CASQ1: variants seen among roughly 807,000 people sequenced by gnomAD.
CASQ1 encodes the protein calsequestrin-1.
A neutral mutation model predicts 49.5 loss-of-function variants in CASQ1; 40 were observed. The observed-to-expected ratio is 0.81, with a 90% confidence interval of 0.63 to 1.05. The LOEUF is 1.05. CASQ1 is among the 50% of genes least tolerant of loss of function. The probability of loss-of-function intolerance (pLI) is 0.00; values close to 1 mark genes in which losing one functional copy is unlikely to be tolerated. For synonymous variants in CASQ1, 174 were observed against 187.2 expected, an observed-to-expected ratio of 0.93 and a Z score of 0.58; for missense variants, 469 against 486.9, an observed-to-expected ratio of 0.96 and a Z score of 0.35.
intron 3 of CASQ1, 118 bp downstream of exon 3, chr1:160,193,965 ACG>A: frequency 1.5e-6 from 1 of 657,916 alleles, no homozygotes; most frequent in South Asian, 1.6e-5. Context: ...CATACACCAC[ACG>A]CACACACACC....
Position 160,195,969 on chromosome 1 carries a change from A to G in CASQ1, c.724A>G (p.Ile242Val), listed in dbSNP as rs758652520. The G allele has an allele frequency of 4.3e-6, 7 of 1,613,956 alleles. No homozygotes were observed. The highest frequency in any genetic ancestry group is 1.1e-5 in the South Asian group (1 of 91,036). Residue 242 changes from isoleucine to valine, a missense_variant, in exon 6 of 11, where the codon ATC (isoleucine) becomes GTC (valine). Ile to Val is a conservative substitution (Grantham distance 29, BLOSUM62 3). Coordinates refer to ENST00000368078, the MANE Select transcript of CASQ1 (RefSeq NM_001231.5). ...GGCCTTCATGGAAGAGCCTGTGACC[A>G]TCCCAGACAAGCCCAATAGCGAAGA... ...YEAFMEEPVTIPDKPNSEEEI... is the reference protein window; with the variant it reads ...YEAFMEEPVTVPDKPNSEEEI...
intron 3 of CASQ1, 131 bp from the exon 4 acceptor site, chr1:160,194,881 C>A: frequency 1.7e-6 from 1 of 603,236 alleles, no homozygotes; most frequent in Non-Finnish European, 2.9e-6. Flanking sequence ...CATGCAATCC[C>A]CCACACACAC....
chr1:160,199,089 TG>T, intron 9 of CASQ1, 36 bp downstream of exon 9: 1 of 1,258,388 alleles, frequency 7.9e-7, no homozygotes, highest in Non-Finnish European at 1.2e-6. Flanking sequence ...TATCTTAAGG[TG>T]GGGCCTTGGA....
chr1:160,195,655 C>CCCA (rs1654205349), intron 5 of CASQ1, 121 bp downstream of exon 5: 1 of 853,024 alleles, frequency 1.2e-6, no homozygotes, highest in African/African-American at 1.7e-5. Context: ...CCTACCTGCC[C>CCCA]CCCCCCCCGG....
chr1:160,199,163 G>A, intron 9 of CASQ1, 110 bp downstream of exon 9: 2 of 757,460 alleles, frequency 2.6e-6, no homozygotes, highest in Admixed American at 3.8e-5. Context: ...CTAGCTGGGG[G>A]GCCCTGGGAG....
chr1:160,195,470 C>G lies in CASQ1; in HGVS notation c.587C>G (p.Ala196Gly). ...GCATTCCACCCCCCAGATTACAAAG[C>G]CTTCGAGGATGCAGCTGAGGAGTTT... is the stretch of plus-strand genomic sequence containing the variant. ...FKSKDSEHYK[A>G]FEDAAEEFHP... Residue 196 changes from alanine (A) to glycine (G), a missense_variant, in exon 5 of 11, where the codon GCC becomes GGC. By Grantham distance (60) the Ala-to-Gly change is moderately conservative. Transcript: ENST00000368078. 6.2e-7 allele frequency: 1 copy of G among 1,614,096 alleles called. No individual in the cohort carries two copies. The highest frequency in any genetic ancestry group is 8.5e-7 in the Non-Finnish European group (1 of 1,179,960).
rs1654185256 is a variant in CASQ1 at position 160,195,020 on chromosome 1, G to A, written c.474G>A (p.Glu158=). The part of the protein sequence containing the change: ...TIVEFLLDVL[E]DPVELIEGER... Reference sequence around the variant, plus strand: ...ATGTCCTCCTCTTTCAGGTCCTAGAGGACCCTGTGGAATTGATTGAAGGTG... The same window carrying A: ...ATGTCCTCCTCTTTCAGGTCCTAGAAGACCCTGTGGAATTGATTGAAGGTG... The change falls in exon 4 of 11, where the codon GAG becomes GAA. Residue 158 remains glutamate (E), a synonymous_variant. Coordinates refer to ENST00000368078, the MANE Select transcript of CASQ1 (RefSeq NM_001231.5). 3 of 1,606,114 alleles carry A rather than the reference G, an allele frequency of 1.9e-6. No homozygotes were observed. The South Asian group carries it at 3.3e-5, about 18-fold the overall frequency.
Position 160,197,029 on chromosome 1 carries a change from A to G in CASQ1, c.783-540A>G, listed in dbSNP as rs1034407885. Among the ~76,000 whole-genome samples, 19 of 152,318 alleles carry G rather than the reference A, an allele frequency of 1.2e-4. No individual in the cohort carries two copies. In the East Asian group the frequency reaches 3.5e-3, roughly 28 times the overall value. On this transcript the variant is annotated intron_variant, in intron 6 of 10. Coordinates refer to ENST00000368078, the MANE Select transcript of CASQ1 (RefSeq NM_001231.5). ...AATGGCAATAGTGCTGAGGTTGAAT[A>G]ATCCTGCCGGGCACTCACACATAAT...
intron 1 of CASQ1, among the ~76,000 whole-genome samples, chr1:160,191,920 G>A (rs1034640368): frequency 3.7e-4 from 56 of 152,220 alleles, no homozygotes; most frequent in African/African-American, 1.3e-3. Context: ...CCCCTGCTGG[G>A]TGCTAGAACC....
chr1:160,192,963 A>C (rs887330870), intron 2 of CASQ1, 77 bp downstream of exon 2: 1 of 1,130,788 alleles, frequency 8.8e-7, no homozygotes, highest in African/African-American at 1.5e-5. Flanking sequence ...CCTGTCAGGC[A>C]GTCCTTGGGA....
intron 5 of CASQ1, 22 bp downstream of exon 5, chr1:160,195,556 T>G (rs746964033): frequency 6.2e-7 from 1 of 1,608,420 alleles, no homozygotes; most frequent in Non-Finnish European, 8.5e-7. Context: ...CGCAGCTGTA[T>G]TGGTTCTGCC....
chr1:160,194,901 C>T, intron 3 of CASQ1, 111 bp from the exon 4 acceptor site: 1 of 648,058 alleles, frequency 1.5e-6, no homozygotes. Flanking sequence ...CACCCACACA[C>T]TGTCAACATC....
At chr1:160,196,795 A>G (rs1368700779) in intron 6 of CASQ1, among the ~76,000 whole-genome samples, 1 of 152,186 alleles carries the variant, frequency 6.6e-6, no homozygotes, top group Admixed American at 6.5e-5. Flanking sequence ...TTCTAATACA[A>G]TATCGTACAC....
At chr1:160,195,836 C>A in intron 5 of CASQ1, 61 bp from the exon 6 acceptor site, 2 of 1,564,072 alleles carry the variant, frequency 1.3e-6, no homozygotes, top group Non-Finnish European at 1.7e-6. Context: ...CCCCATTATA[C>A]TGCTTCTCGA....
chr1:160,196,847 A>G (rs975001183), intron 6 of CASQ1, among the ~76,000 whole-genome samples: 2 of 152,156 alleles, frequency 1.3e-5, no homozygotes, highest in Non-Finnish European at 2.9e-5. Flanking sequence ...CGAGGTGGGC[A>G]TAGGTTTTTG....
At chr1:160,195,646 C>A in intron 5 of CASQ1, 112 bp downstream of exon 5, 1 of 927,450 alleles carries the variant, frequency 1.1e-6, no homozygotes, top group South Asian at 1.5e-5. Context: ...CTGGCACTCC[C>A]TACCTGCCCC....
intron 2 of CASQ1, among the ~76,000 whole-genome samples, chr1:160,193,096 T>C (rs1285127012): frequency 1.3e-5 from 2 of 152,096 alleles, no homozygotes; most frequent in Non-Finnish European, 2.9e-5. Context: ...AGTTCCATGC[T>C]CAAATCCCAG....
chr1:160,201,126 C>G (rs1654361001), intron 10 of CASQ1, 119 bp from the exon 11 acceptor site: 1 of 1,059,736 alleles, frequency 9.4e-7, no homozygotes, highest in Non-Finnish European at 1.4e-6. Context: ...TGGCCTTTGG[C>G]AGATGAAAGG....
At position 160,201,506 on chromosome 1, in the gene CASQ1, C is replaced by T; in HGVS notation, c.*130C>T. ...CATAGAGCTAACTGGGGTCTATATGCTGGGTGCTGAGACACTGATCCCCCT... is the reference window on the plus strand; with the variant it reads ...CATAGAGCTAACTGGGGTCTATATGTTGGGTGCTGAGACACTGATCCCCCT... On this transcript the variant is annotated 3_prime_UTR_variant, in exon 11 of 11. Coordinates refer to ENST00000368078, the MANE Select transcript of CASQ1 (RefSeq NM_001231.5). 1.0e-6 allele frequency: 1 copy of T among 968,956 alleles called. No homozygotes were observed. The highest frequency in any genetic ancestry group is 1.6e-5 in the South Asian group (1 of 63,512). 60.0% of individuals were successfully genotyped at this position (968,956 alleles called of 1,614,324 possible).
Sources: gnomAD v4.1 joint callset for allele counts (sites outside exome capture counted in the v4.1 genomes callset) on GRCh38, gnomAD v4.1.1 for gene constraint, MANE v1.5 for transcripts, NCBI Gene and HGNC (gene_info 2026-07-23, HGNC 2026-07-21) for gene names.